Variants in HERC2 observed in about 807,000 individuals in gnomAD.
HERC2 encodes the protein E3 ubiquitin-protein ligase HERC2.
In HERC2, 102 loss-of-function variants were observed where a neutral mutation model predicts 537.7. The observed-to-expected ratio is 0.19, with a 90% CI of 0.16 to 0.22. The LOEUF (loss-of-function observed/expected upper bound fraction) is 0.22. HERC2 is among the 10% of genes least tolerant of loss of function. HERC2 has a pLI of 1.00. For synonymous variants in HERC2, 2,224 were observed against 2,466.2 expected, an observed-to-expected ratio of 0.90 and a Z score of 2.91; for missense variants, 4,236 against 6,198.2, an observed-to-expected ratio of 0.68 and a Z score of 10.63.
At chr15:28,208,013 T>C (rs1442459386) in intron 44 of HERC2, among the ~76,000 whole-genome samples, 3 of 152,214 alleles carry the variant, frequency 2.0e-5, no homozygotes, top group Non-Finnish European at 4.4e-5. Context: ...CTGATTCAGG[T>C]CTGCTGTCAC....
intron 2 of HERC2, among the ~76,000 whole-genome samples, chr15:28,312,144 T>G (rs1596465057): frequency 6.6e-6 from 1 of 152,296 alleles, no homozygotes; most frequent in East Asian, 1.9e-4. Flanking sequence ...AAAAAACTAT[T>G]TGGGCACCTT....
chr15:28,242,224 G>A (rs559009703), intron 23 of HERC2, among the ~76,000 whole-genome samples: 1 of 152,212 alleles, frequency 6.6e-6, no homozygotes, highest in Non-Finnish European at 1.5e-5. Context: ...CTAGAGATGA[G>A]TGGCGGTGAT....
rs375385698 is a variant in HERC2 at position 28,175,524 on chromosome 15, C to G, written c.9819G>C (p.Thr3273=). The G allele has an allele frequency of 6.2e-7, 1 of 1,612,542 alleles. No homozygotes were observed. The highest frequency in any genetic ancestry group is 8.5e-7 in the Non-Finnish European group (1 of 1,179,292). The change falls in exon 64 of 93, where the codon ACG becomes ACC. Residue 3273 remains threonine (T), a synonymous_variant. Transcript: ENST00000261609. ...AVGALHCLAV[T]DSGQVYAWGD... Reference sequence around the variant, plus strand: ...CCTGCAGCCTTACCTGCCCCGAGTCCGTGACCGCCAGGCAGTGCAGGGCCC... The same window carrying G: ...CCTGCAGCCTTACCTGCCCCGAGTCGGTGACCGCCAGGCAGTGCAGGGCCC...
chr15:28,181,206 C>T (rs1056699420), intron 57 of HERC2, among the ~76,000 whole-genome samples: 7 of 152,152 alleles, frequency 4.6e-5, no homozygotes, highest in Admixed American at 3.3e-4. Context: ...ACTACTGCAG[C>T]GGAAGAAAGG....
chr15:28,236,351 C>G (rs1902453353), intron 26 of HERC2, among the ~76,000 whole-genome samples: 2 of 151,262 alleles, frequency 1.3e-5, no homozygotes, highest in Admixed American at 1.3e-4. Flanking sequence ...AGTGCAGTGG[C>G]GCGATCTCGG....
In HERC2 at chr15:28,129,780, C is replaced by CTTTTTTTTTTTTTTT. The variant is rs36068402; in HGVS notation, c.12802+368_12802+382dup. ...AGGACACAGTATAAGCCTCTGCCTC[C>CTTTTTTTTTTTTTTT]TTTTTTTTTTTTTTTTTGAGACAGT... On this transcript the variant is annotated intron_variant, in intron 83 of 92. Coordinates refer to ENST00000261609, the MANE Select transcript of HERC2 (RefSeq NM_004667.6). 1.4e-5 allele frequency among the ~76,000 whole-genome samples: 2 copies of CTTTTTTTTTTTTTTT among 143,552 alleles called. 1 individual carries two copies. 94.2% of individuals were successfully genotyped at this position (143,552 alleles called of 152,430 possible). A position where few individuals can be genotyped will look rare whatever the true frequency, so the allele number is the denominator to read the frequency against.
chr15:28,273,112 T>C (rs1198856120), intron 7 of HERC2, 108 bp from the exon 8 acceptor site: 2 of 781,890 alleles, frequency 2.6e-6, no homozygotes, highest in East Asian at 2.6e-5. Flanking sequence ...GAAGGATGTA[T>C]TTTTAATATT....
chr15:28,154,457 TG>T (rs1892779730), intron 69 of HERC2, among the ~76,000 whole-genome samples: 1 of 152,230 alleles, frequency 6.6e-6, no homozygotes, highest in African/African-American at 2.4e-5. Context: ...TTGTCTCTCC[TG>T]GAACCTGGCT....
At chr15:28,231,434 T>C (rs1901831192) in intron 30 of HERC2, among the ~76,000 whole-genome samples, 2 of 152,176 alleles carry the variant, frequency 1.3e-5, no homozygotes, top group African/African-American at 4.8e-5. Flanking sequence ...CACTTGTTTT[T>C]GCATTGGGGC....
intron 92 of HERC2, among the ~76,000 whole-genome samples, chr15:28,112,254 T>C (rs1171916200): frequency 6.6e-6 from 1 of 152,162 alleles, no homozygotes; most frequent in African/African-American, 2.4e-5. Flanking sequence ...GGCTCTCTAT[T>C]GTCATCCCGG....
intron 20 of HERC2, among the ~76,000 whole-genome samples, chr15:28,249,772 G>A (rs191703323): frequency 5.9e-5 from 9 of 151,314 alleles, no homozygotes; most frequent in East Asian, 5.8e-4. Flanking sequence ...TCAGCCTCCC[G>A]AGTAGCTGGG....
At position 28,265,868 on chromosome 15, in the gene HERC2, C is replaced by A; in HGVS notation, c.1705G>T (p.Glu569Ter). ...GSTYSAAITA[E>*]GELYTWGRGN... The stretch of plus-strand genomic sequence containing the variant: ...CGGCCCCAGGTGTACAGCTCCCCCT[C>A]GGCAGTGATGGCCGCACTGTAAGTG... The change falls in exon 13 of 93, where the codon GAG (glutamate) becomes TAG (stop). Residue 569 changes from glutamate (E) to a stop codon, truncating the protein, a stop_gained. Transcript: ENST00000261609. LOFTEE classifies it high-confidence loss of function. This position sits in a 1 kb window ranked among gnomAD's most constrained non-coding sequence, Gnocchi z 4.0. 6.2e-7 allele frequency: 1 copy of A among 1,614,160 alleles called. No individual in the cohort carries two copies. Among genetic ancestry groups the A allele is most frequent in the Non-Finnish European group, 8.5e-7 (1 of 1,180,040 alleles).
At position 28,214,085 on chromosome 15, in the gene HERC2, A is replaced by T. The variant is rs1211189103; in HGVS notation, c.6546T>A (p.Pro2182=). Residue 2182 remains proline (P), a synonymous_variant, in exon 41 of 93, where the codon CCT becomes CCA. Transcript: ENST00000261609. ...GAGAACACAAACCCACCCCTTCGGA[A>T]GGCCTTCCCACAAAGCTGTGGGTGA... ...RSITHSFVGR[P]SEGAQLEDYF... The T allele has an allele frequency of 1.2e-6, 2 of 1,614,142 alleles. No homozygotes were observed. The highest frequency in any genetic ancestry group is 1.7e-6 in the Non-Finnish European group (2 of 1,179,966).
intron 3 of HERC2, among the ~76,000 whole-genome samples, chr15:28,296,957 G>A (rs1390701150): frequency 1.5e-4 from 23 of 151,250 alleles, no homozygotes; most frequent in African/African-American, 4.4e-4. Flanking sequence ...CTGCTCTCTC[G>A]TTAAAAGGTG....
intron 78 of HERC2, among the ~76,000 whole-genome samples, chr15:28,137,162 TA>T (rs1409853140): frequency 2.0e-5 from 3 of 152,182 alleles, no homozygotes; most frequent in Non-Finnish European, 4.4e-5. Flanking sequence ...GTACCTATGT[TA>T]AAATAACCAG....
At position 28,212,460 on chromosome 15, in the gene HERC2, T is replaced by C. The variant is rs752695519; in HGVS notation, c.6910A>G (p.Lys2304Glu). The change falls in exon 43 of 93, where the codon AAA (lysine) becomes GAA (glutamate). Residue 2304 changes from lysine (K) to glutamate (E), a missense_variant. Around this residue, in one of 27 missense-constraint regions of HERC2, gnomAD observed 67 missense variants for 140.1 expected, o/e 0.48. Transcript: ENST00000261609. ...ATGTACTGACCTGCAAAGGCCTGTT[T>C]AGTCGATTTCTTTATTTTGTGCTTT... ...LEKHKIKKST[K>E]QAFAGQVDLD... The C allele has an allele frequency of 1.9e-6, 3 of 1,610,846 alleles. No homozygotes were observed. The highest frequency in any genetic ancestry group is 2.2e-5 in the East Asian group (1 of 44,850).
intron 66 of HERC2, 61 bp downstream of exon 66, chr15:28,169,423 A>C: frequency 3.9e-6 from 5 of 1,295,244 alleles, no homozygotes; most frequent in Non-Finnish European, 5.4e-6. Flanking sequence ...AAAGAAAAAA[A>C]ATCACAAAAA....
At chr15:28,137,045 A>G (rs28670140) in intron 78 of HERC2, among the ~76,000 whole-genome samples, 140,143 of 151,980 alleles carry the variant, frequency 0.92, 65,401 homozygotes, top group Non-Finnish European at 0.99. Flanking sequence ...CAAAACAACA[A>G]CAATAATGTC....
chr15:28,193,892 GAC>G (rs1897085757), intron 52 of HERC2, among the ~76,000 whole-genome samples: 1 of 151,992 alleles, frequency 6.6e-6, no homozygotes, highest in African/African-American at 2.4e-5. Context: ...AACCCACAAA[GAC>G]ACATTTTTAA....
Sources: gnomAD v4.1 joint callset for allele counts (sites outside exome capture counted in the v4.1 genomes callset) on GRCh38, gnomAD v4.1.1 for gene constraint, gnomAD v4.1.1 regional missense constraint, Gnocchi (gnomAD v3.1) non-coding constraint, MANE v1.5 for transcripts, NCBI Gene and HGNC (gene_info 2026-07-23, HGNC 2026-07-21) for gene names.